PARP16: variants seen among roughly 807,000 people sequenced by gnomAD.
PARP16 encodes the protein protein mono-ADP-ribosyltransferase PARP16.
A neutral mutation model predicts 35.0 loss-of-function variants in PARP16; 31 were observed. That is an observed-to-expected ratio of 0.88 (90% CI 0.66 to 1.19). PARP16 has a LOEUF of 1.19. PARP16 is among the 50% of genes most tolerant of loss of function. PARP16 has a pLI of 0.00. For synonymous variants in PARP16, 162 were observed against 169.5 expected (o/e 0.96, Z 0.34); for missense variants, 424 against 411.2 (o/e 1.03, Z -0.27).
intron 1 of PARP16, among the ~76,000 whole-genome samples, chr15:65,274,363 C>A (rs563845559): frequency 6.6e-6 from 1 of 151,586 alleles, no homozygotes; most frequent in African/African-American, 2.4e-5. Context: ...GTGCTCAACA[C>A]CAGCAGGGGC....
chr15:65,253,370 G>A (rs1394042690), downstream of PARP16, among the ~76,000 whole-genome samples: 6 of 147,262 alleles, frequency 4.1e-5, no homozygotes, highest in Non-Finnish European at 8.9e-5. Context: ...TCGCTCTGTC[G>A]CCCAGGCTGG....
intron 3 of PARP16, among the ~76,000 whole-genome samples, chr15:65,237,082 C>T (rs1348103175): frequency 6.6e-6 from 1 of 152,138 alleles, no homozygotes; most frequent in East Asian, 1.9e-4. Context: ...ACTTTGGCTG[C>T]TGTGTAGATG....
At position 65,266,722 on chromosome 15, in the gene PARP16, G is replaced by A. The variant is rs545682195; in HGVS notation, c.359C>T (p.Pro120Leu). Residue 120 changes from proline to leucine, a missense_variant, in exon 3 of 6, where the codon CCT becomes CTT. By Grantham distance (98) the Pro-to-Leu change is moderately conservative. Transcript: ENST00000649807. ...KLTGAPHTPV[P>L]APDFLFEIEY... Reference sequence around the variant, plus strand: ...AATTTCAAACAGGAAGTCCGGTGCAGGAACAGGCGTGTGAGGAGCCCCAGT... The same window carrying A: ...AATTTCAAACAGGAAGTCCGGTGCAAGAACAGGCGTGTGAGGAGCCCCAGT... The A allele has an allele frequency of 1.9e-5, 31 of 1,614,168 alleles. 1 individual carries two copies. The South Asian group carries it at 2.7e-4, about 14-fold the overall frequency.
At chr15:65,264,319 A>G (rs540497253) in intron 3 of PARP16, among the ~76,000 whole-genome samples, 1 of 152,346 alleles carries the variant, frequency 6.6e-6, no homozygotes, top group African/African-American at 2.4e-5. Flanking sequence ...AGAATCCTCA[A>G]CTTAACATTC....
chr15:65,256,184 C>T (rs2089503822), downstream of PARP16, among the ~76,000 whole-genome samples: 1 of 152,116 alleles, frequency 6.6e-6, no homozygotes. Context: ...CCTTTGCAGG[C>T]TCTCTGCTCT....
At chr15:65,284,811 C>CTT (rs35683940) in intron 1 of PARP16, among the ~76,000 whole-genome samples, 763 of 72,184 alleles carry the variant, frequency 0.011, 14 homozygotes, top group Non-Finnish European at 0.011. Flanking sequence ...AATCCAACGT[C>CTT]TTTTTTTTTT....
chr15:65,243,942 C>T (rs950717255), intron 3 of PARP16, among the ~76,000 whole-genome samples: 1 of 151,960 alleles, frequency 6.6e-6, no homozygotes, highest in Non-Finnish European at 1.5e-5. Context: ...GGCAAGAACC[C>T]CCAAGAAGCT....
At chr15:65,279,910 G>A (rs2090367960) in intron 1 of PARP16, among the ~76,000 whole-genome samples, 1 of 151,354 alleles carries the variant, frequency 6.6e-6, no homozygotes, top group Non-Finnish European at 1.5e-5. Flanking sequence ...AGTTTCCCAC[G>A]TGATTTCAAT....
intron 3 of PARP16, among the ~76,000 whole-genome samples, chr15:65,241,936 T>C (rs1381352984): frequency 6.6e-6 from 1 of 152,178 alleles, no homozygotes; most frequent in African/African-American, 2.4e-5. Context: ...TGATTATTAG[T>C]GTTTTGCCCA....
intron 5 of PARP16, 87 bp from the exon 6 acceptor site, chr15:65,259,629 A>G (rs2089634685): frequency 8.0e-7 from 1 of 1,253,092 alleles, no homozygotes; most frequent in Non-Finnish European, 1.1e-6. Context: ...CTCTAAGAAG[A>G]CAAAATGATG....
Position 65,259,562 on chromosome 15 carries a change from G to GAGTGGTGTTGGCAAAA in PARP16, c.834-36_834-21dup. ...GAAGCCCTGCTTAAGAGGGAAAAAAGAGTGGTGTTGGCAAAAAGAGAAAAA... is the reference window on the plus strand; with the variant it reads ...GAAGCCCTGCTTAAGAGGGAAAAAAGAGTGGTGTTGGCAAAAAGTGGTGTTGGCAAAAAGAGAAAAA... On this transcript the variant is annotated intron_variant, in intron 5 of 5. Transcript: ENST00000649807. 6.2e-7 allele frequency: 1 copy of GAGTGGTGTTGGCAAAA among 1,610,892 alleles called. No individual in the cohort carries two copies. The highest frequency in any genetic ancestry group is 8.5e-7 in the Non-Finnish European group (1 of 1,178,264).
Position 65,286,281 on chromosome 15 carries a change from C to T in PARP16, c.146G>A (p.Arg49His). 1.3e-6 allele frequency: 2 copies of T among 1,593,742 alleles called. No individual in the cohort carries two copies. Among genetic ancestry groups the T allele is most frequent in the Non-Finnish European group, 8.5e-7 (1 of 1,172,178 alleles). Reference protein sequence around the residue: ...VLRPFPASYARGDCKDFEALL... With the variant: ...VLRPFPASYAHGDCKDFEALL... Reference sequence around the variant, plus strand: ...GGCTTCAAAGTCCTTACAGTCGCCGCGGGCGTAGGACGCGGGGAAGGGCCG... The same window carrying T: ...GGCTTCAAAGTCCTTACAGTCGCCGTGGGCGTAGGACGCGGGGAAGGGCCG... Residue 49 changes from arginine to histidine, a missense_variant, in exon 1 of 6, where the codon CGC (arginine) becomes CAC (histidine). Arg to His is a conservative substitution (Grantham distance 29, BLOSUM62 0). Coordinates refer to ENST00000649807, the MANE Select transcript of PARP16 (RefSeq NM_001316943.2).
intron 1 of PARP16, among the ~76,000 whole-genome samples, chr15:65,273,453 G>T (rs2090154255): frequency 6.6e-6 from 1 of 151,166 alleles, no homozygotes; most frequent in African/African-American, 2.4e-5. Flanking sequence ...ATTTCTTAAG[G>T]CCAGGAGTTA....
downstream of PARP16, among the ~76,000 whole-genome samples, chr15:65,257,025 G>A (rs2089533165): frequency 6.6e-6 from 1 of 152,220 alleles, no homozygotes; most frequent in Admixed American, 6.5e-5. Flanking sequence ...GGACATAGCG[G>A]CTCATGCCTG....
rs2089621281 is a variant in PARP16, at chr15:65,259,319, AC to A, written c.*87del. On this transcript the variant is annotated 3_prime_UTR_variant, in exon 6 of 6. Coordinates refer to ENST00000649807, the MANE Select transcript of PARP16 (RefSeq NM_001316943.2). ...GTCCCCCAACTGGCCCCTAGGCTCAACCTGGCTGGACATGAGGCATAGGAGG... is the reference window on the plus strand; with the variant it reads ...GTCCCCCAACTGGCCCCTAGGCTCAACTGGCTGGACATGAGGCATAGGAGG... 5 of 1,400,462 alleles carry A rather than the reference AC, an allele frequency of 3.6e-6. 1 individual carries two copies. In the Admixed American group the frequency reaches 7.3e-5, roughly 20 times the overall value. The allele number at this position is 1,400,462 out of a possible 1,614,324, so 86.8% of individuals were successfully genotyped here. A position where few individuals can be genotyped will look rare whatever the true frequency, so the allele number is the denominator to read the frequency against.
chr15:65,285,472 G>A (rs746859478), intron 1 of PARP16: 11 of 388,380 alleles, frequency 2.8e-5, no homozygotes, highest in Non-Finnish European at 4.6e-5. Context: ...AATGTTACTT[G>A]TGCAAGTCAG....
intron 4 of PARP16, 123 bp from the exon 5 acceptor site, chr15:65,261,149 C>T (rs1268202026): frequency 2.4e-6 from 2 of 824,568 alleles, no homozygotes; most frequent in Non-Finnish European, 3.8e-6. Flanking sequence ...GGCTGAGGAA[C>T]AGACCTGTGT....
At chr15:65,285,411 T>A (rs1567043574) in intron 1 of PARP16, 3 of 230,694 alleles carry the variant, frequency 1.3e-5, no homozygotes, top group Non-Finnish European at 1.8e-5. Flanking sequence ...AGTGCTGGGA[T>A]TACAAGCATG....
intron 4 of PARP16, among the ~76,000 whole-genome samples, chr15:65,261,294 G>C (rs1361403972): frequency 6.6e-6 from 1 of 151,440 alleles, no homozygotes; most frequent in Non-Finnish European, 1.5e-5. Flanking sequence ...GAAGGAAGAA[G>C]CAAATTGATG....
Sources: allele counts gnomAD v4.1 joint callset (sites outside exome capture counted in the v4.1 genomes callset), GRCh38; gene constraint gnomAD v4.1.1; transcripts MANE v1.5; gene names NCBI Gene and HGNC (gene_info 2026-07-23, HGNC 2026-07-21).